The following PSTPIP1 variants were observed in gnomAD, a reference collection of about 807,000 sequenced individuals.
The protein encoded by PSTPIP1 is proline-serine-threonine phosphatase-interacting protein 1.
In PSTPIP1, 66 loss-of-function variants were observed where a neutral mutation model predicts 69.6. That is an observed-to-expected ratio of 0.95 (90% CI 0.78 to 1.16). The LOEUF is 1.16. Among genes scored for constraint, PSTPIP1 ranks in the 50% most tolerant of loss-of-function variants. PSTPIP1 has a pLI of 0.00. For missense variants in PSTPIP1, 603 were observed against 557.4 expected (o/e 1.08, Z -0.82); for synonymous variants, 266 against 222.7 (o/e 1.19, Z -1.73).
At position 77,027,591 on chromosome 15, in the gene PSTPIP1, A is replaced by G. The variant is rs182062969; in HGVS notation, c.355-261A>G. On this transcript the variant is annotated intron_variant, in intron 5 of 14. Coordinates refer to ENST00000558012, the MANE Select transcript of PSTPIP1 (RefSeq NM_003978.5). This position sits in a 1 kb window ranked among gnomAD's most constrained non-coding sequence, Gnocchi z 4.3. ...TGTGCGCACGTGTGTTGGGGTGGGA[A>G]CTCCCCAGCTGGAGACGAAGCTCTG... The G allele has an allele frequency of 2.1e-4, 102 of 495,844 alleles. No homozygotes were observed. The highest frequency in any genetic ancestry group is 3.3e-4 in the Non-Finnish European group (87 of 262,892). 30.7% of individuals were successfully genotyped at this position (495,844 alleles called of 1,614,324 possible). A position where few individuals can be genotyped will look rare whatever the true frequency, so the allele number is the denominator to read the frequency against.
chr15:77,026,134 CAG>C (rs778437281), intron 5 of PSTPIP1: 28 of 455,998 alleles, frequency 6.1e-5, no homozygotes, highest in African/African-American at 5.2e-4. Context: ...TGTCCCGAGA[CAG>C]AGTGACTGCA....
At chr15:77,026,839 C>A (rs974483204) in intron 5 of PSTPIP1, among the ~76,000 whole-genome samples, 16 of 152,252 alleles carry the variant, frequency 1.1e-4, no homozygotes, top group South Asian at 4.1e-4. Flanking sequence ...GAAGGAGGGA[C>A]CCCGGCCCTG....
At chr15:76,995,692 C>T in intron 1 of PSTPIP1, 83 bp downstream of exon 1, 1 of 1,604,802 alleles carries the variant, frequency 6.2e-7, no homozygotes, top group Non-Finnish European at 8.5e-7. Context: ...TGGGATGCGG[C>T]TCCGAGAGGG....
In PSTPIP1 at chr15:77,037,295, G is replaced by C. The variant is rs1385991030; in HGVS notation, c.*119G>C. The C allele has an allele frequency of 5.2e-6, 7 of 1,341,782 alleles. No individual in the cohort carries two copies. The highest frequency in any genetic ancestry group is 6.0e-6 in the Non-Finnish European group (6 of 995,504). 83.1% of individuals were successfully genotyped at this position (1,341,782 alleles called of 1,614,324 possible). A position where few individuals can be genotyped will look rare whatever the true frequency, so the allele number is the denominator to read the frequency against. On this transcript the variant is annotated 3_prime_UTR_variant, in exon 15 of 15. Transcript: ENST00000558012. ...GTCCCCCAGCCCCGAGAGGGAGCCT[G>C]TCGTCTCCCAGGGAATAAAGGAGTG...
rs776293497 is a variant in PSTPIP1 at position 77,025,278 on chromosome 15, T to C, written c.213-6T>C. ...TCCTCCTGACCTGGACCCATCTGTT[T>C]TGCAGCTCCCTGAGGGCCTCCTTTG... is the stretch of plus-strand genomic sequence containing the variant. On this transcript the variant is annotated splice_region_variant and splice_polypyrimidine_tract_variant and intron_variant, in intron 3 of 14. Transcript: ENST00000558012. The C allele has an allele frequency of 6.2e-7, 1 of 1,608,672 alleles. No homozygotes were observed. The highest frequency in any genetic ancestry group is 8.5e-7 in the Non-Finnish European group (1 of 1,175,228).
At position 77,027,832 on chromosome 15, in the gene PSTPIP1, G is replaced by T. The variant is rs2076316428; in HGVS notation, c.355-20G>T. ...TCCCGAGGCCGCGGCCCTCGGCTCA[G>T]AACCTCGTGTCCCCTGCAGTATGAG... On this transcript the variant is annotated intron_variant, in intron 5 of 14. Transcript: ENST00000558012. The surrounding 1 kb of genome is among the most constrained non-coding windows in gnomAD (Gnocchi z 4.3). The T allele has an allele frequency of 6.4e-7, 1 of 1,558,412 alleles. No individual in the cohort carries two copies. The highest frequency in any genetic ancestry group is 1.2e-5 in the South Asian group (1 of 84,404).
At chr15:77,033,566 G>A (rs969765002) in intron 12 of PSTPIP1, among the ~76,000 whole-genome samples, 7 of 152,174 alleles carry the variant, frequency 4.6e-5, no homozygotes, top group Non-Finnish European at 1.0e-4. Context: ...TTTGAGGGAG[G>A]CCATGTGCCC....
intron 1 of PSTPIP1, among the ~76,000 whole-genome samples, chr15:77,006,060 AAC>A (rs1381883969): frequency 6.6e-6 from 1 of 152,186 alleles, no homozygotes; most frequent in Non-Finnish European, 1.5e-5. Context: ...GTAACCGCCA[AAC>A]AGTTTTACAT....
At chr15:77,036,988 T>G in intron 14 of PSTPIP1, 57 bp from the exon 15 acceptor site, 1 of 1,572,512 alleles carries the variant, frequency 6.4e-7, no homozygotes, top group Non-Finnish European at 8.6e-7. Context: ...GGCCCCTCCC[T>G]GCAGGCCCTT....
At chr15:77,026,297 G>A (rs2076280576) in intron 5 of PSTPIP1, 1 of 435,936 alleles carries the variant, frequency 2.3e-6, no homozygotes, top group South Asian at 1.6e-5. Flanking sequence ...CTGTGAGGAT[G>A]GGGGCTGAGC....
At chr15:77,018,317 A>T (rs1596084574) in intron 2 of PSTPIP1, 69 bp downstream of exon 2, 2 of 1,537,244 alleles carry the variant, frequency 1.3e-6, no homozygotes, top group African/African-American at 2.7e-5. Context: ...CTCCTGGGAC[A>T]GTGGACGAGG....
chr15:77,027,220 A>G lies in PSTPIP1; in HGVS notation c.355-632A>G, dbSNP rs1171914152. Among the ~76,000 whole-genome samples the G allele has an allele frequency of 7.9e-5, 12 of 152,122 alleles. No homozygotes were observed. The highest frequency in any genetic ancestry group is 7.9e-4 in the Admixed American group (12 of 15,278). On this transcript the variant is annotated intron_variant, in intron 5 of 14. Coordinates refer to ENST00000558012, the MANE Select transcript of PSTPIP1 (RefSeq NM_003978.5). This position sits in a 1 kb window ranked among gnomAD's most constrained non-coding sequence, Gnocchi z 4.3. ...ACTGGCTCAGTTCTCCTCCTACCTCATAACCCAGTCGCTGTCCTGGCTGTT... is the reference window on the plus strand; with the variant it reads ...ACTGGCTCAGTTCTCCTCCTACCTCGTAACCCAGTCGCTGTCCTGGCTGTT...
At chr15:77,033,880 C>A (rs1281984917) in intron 12 of PSTPIP1, among the ~76,000 whole-genome samples, 1 of 152,164 alleles carries the variant, frequency 6.6e-6, no homozygotes, top group East Asian at 1.9e-4. Flanking sequence ...GGCAGCACAC[C>A]CGCAGCCTCA....
chr15:77,032,107 C>A (rs1318078849), intron 10 of PSTPIP1, among the ~76,000 whole-genome samples, 191 bp from the exon 11 acceptor site: 2 of 152,200 alleles, frequency 1.3e-5, no homozygotes, highest in Admixed American at 1.3e-4. Flanking sequence ...TTGCACAGGG[C>A]CTTGCACACA....
At chr15:77,000,466 T>G (rs1001654192) in intron 1 of PSTPIP1, among the ~76,000 whole-genome samples, 4 of 110,728 alleles carry the variant, frequency 3.6e-5, no homozygotes, top group African/African-American at 1.1e-4. Flanking sequence ...GAGAGATATA[T>G]ATATATATAT....
At chr15:77,003,058 G>A (rs113475295) in intron 1 of PSTPIP1, among the ~76,000 whole-genome samples, 53 of 152,330 alleles carry the variant, frequency 3.5e-4, no homozygotes, top group African/African-American at 1.2e-3. Context: ...GGGAAGGCAC[G>A]AGCTGGATTG....
intron 1 of PSTPIP1, chr15:77,008,113 G>C (rs1015648977): frequency 2.2e-6 from 1 of 454,376 alleles, no homozygotes; most frequent in South Asian, 1.6e-5. Context: ...CAGAAGTCTG[G>C]ATCAGTGTCC....
At chr15:76,994,950 T>C, upstream of PSTPIP1, 1 of 1,227,290 alleles carries the variant, frequency 8.1e-7, no homozygotes, top group South Asian at 1.3e-5. Context: ...ACACTGTCAG[T>C]GGGCCTCAAG....
chr15:77,006,434 CA>C (rs2075817332), intron 1 of PSTPIP1, among the ~76,000 whole-genome samples: 1 of 152,140 alleles, frequency 6.6e-6, no homozygotes, highest in Non-Finnish European at 1.5e-5. Flanking sequence ...TTTTGATATA[CA>C]AAAGTTTTTC....
Sources: gnomAD v4.1 joint callset for allele counts (sites outside exome capture counted in the v4.1 genomes callset) on GRCh38, gnomAD v4.1.1 for gene constraint, Gnocchi (gnomAD v3.1) non-coding constraint, MANE v1.5 for transcripts, NCBI Gene and HGNC (gene_info 2026-07-23, HGNC 2026-07-21) for gene names.